Variants in RBFOX1 observed in about 807,000 individuals in gnomAD.
The protein encoded by RBFOX1 is RNA binding protein fox-1 homolog 1.
RBFOX1 carries 8 observed loss-of-function variants against 57.7 expected under a neutral mutation model. The ratio of observed to expected loss-of-function variants is 0.14; its 90% CI spans 0.08 to 0.25. RBFOX1 has a LOEUF of 0.25. Among genes scored for constraint, RBFOX1 ranks in the 10% least tolerant of loss-of-function variants. The probability of loss-of-function intolerance (pLI) is 1.00; values close to 1 mark genes in which losing one functional copy is unlikely to be tolerated. For missense variants in RBFOX1, 611 were observed against 548.5 expected, an observed-to-expected ratio of 1.11 and a Z score of -1.14; for synonymous variants, 326 against 222.4, an observed-to-expected ratio of 1.47 and a Z score of -4.15.
At chr16:5,353,370 C>T (rs9923174) in intron 1 of RBFOX1, among the ~76,000 whole-genome samples, 1 of 118,302 alleles carries the variant, frequency 8.5e-6, no homozygotes, top group African/African-American at 2.9e-5. Context: ...AGAGTAGTGT[C>T]TGAAAAAAAA....
chr16:6,868,553 C>A (rs1203544393), intron 3 of RBFOX1, among the ~76,000 whole-genome samples: 2 of 152,056 alleles, frequency 1.3e-5, no homozygotes, highest in African/African-American at 4.8e-5. Context: ...CTCACTGCAA[C>A]CTCTGCTTCC....
At chr16:6,041,179 T>A (rs141183404) in intron 1 of RBFOX1, among the ~76,000 whole-genome samples, 153 of 152,310 alleles carry the variant, frequency 1.0e-3, no homozygotes, top group Non-Finnish European at 1.8e-3. Context: ...TTTTCCAGAA[T>A]GTTATATAGT....
intron 1 of RBFOX1, among the ~76,000 whole-genome samples, chr16:6,062,577 CTA>C (rs1454236671): frequency 7.3e-6 from 1 of 137,688 alleles, no homozygotes; most frequent in East Asian, 2.0e-4. Flanking sequence ...ACATATATAT[CTA>C]TAGAGATTGT....
intron 3 of RBFOX1, among the ~76,000 whole-genome samples, chr16:5,719,595 A>G (rs1380323715): frequency 6.6e-6 from 1 of 152,012 alleles, no homozygotes; most frequent in East Asian, 1.9e-4. Flanking sequence ...CCTGGCAATT[A>G]CTAATCAATT....
chr16:6,225,004 A>T lies in RBFOX1; in HGVS notation c.-126-91991A>T, dbSNP rs1380951983. Among the ~76,000 whole-genome samples the T allele has an allele frequency of 2.9e-5, 4 of 136,620 alleles. No homozygotes were observed. In the Admixed American group the frequency reaches 3.1e-4, roughly 11 times the overall value. The allele number at this position is 136,620 out of a possible 152,430, so 89.6% of individuals were successfully genotyped here. A position where few individuals can be genotyped will look rare whatever the true frequency, so the allele number is the denominator to read the frequency against. On this transcript the variant is annotated intron_variant, in intron 1 of 15. Coordinates refer to ENST00000550418, the MANE Select transcript of RBFOX1 (RefSeq NM_018723.4). ...ATTACACTCCAGCCTGGGCAACAAG[A>T]GCAAAACTCCATCTCAAAAAAAAAA...
chr16:6,638,328 T>G (rs1414658912), intron 2 of RBFOX1, among the ~76,000 whole-genome samples: 1 of 152,198 alleles, frequency 6.6e-6, no homozygotes, highest in Admixed American at 6.5e-5. Flanking sequence ...AATAAGTTAC[T>G]GGTAAATCGC....
chr16:6,140,577 C>A (rs61121706), intron 1 of RBFOX1, among the ~76,000 whole-genome samples: 4,761 of 152,148 alleles, frequency 0.031, 266 homozygotes, highest in African/African-American at 0.11. Flanking sequence ...TGTTCATTCA[C>A]CTGGGCAATG....
Position 5,925,292 on chromosome 16 carries a change from G to C in RBFOX1, c.351+57957G>C, listed in dbSNP as rs565900987. 9.2e-5 allele frequency among the ~76,000 whole-genome samples: 14 copies of C among 152,306 alleles called. No individual in the cohort carries two copies. The East Asian group carries it at 2.3e-3, about 25-fold the overall frequency. ...TCAGCAAGTGAACAGACAAAATGCT[G>C]TCTACCCATACAGTGGGATATTATT... On this transcript the variant is annotated intron_variant, in intron 4 of 19. Transcript: ENST00000641259.
chr16:7,040,539 G>C (rs930115495), intron 3 of RBFOX1, among the ~76,000 whole-genome samples: 2 of 151,644 alleles, frequency 1.3e-5, no homozygotes, highest in Admixed American at 1.3e-4. Flanking sequence ...GATTAAAAAT[G>C]AGAAAACCTG....
chr16:6,745,616 A>T (rs1268955572), intron 3 of RBFOX1, among the ~76,000 whole-genome samples: 2 of 152,214 alleles, frequency 1.3e-5, no homozygotes, highest in East Asian at 3.8e-4. Flanking sequence ...GTTTTTTAAA[A>T]AGCTCAGCAA....
At chr16:5,548,165 AAAAAAAAAAATATAT>A (rs908119969) in intron 2 of RBFOX1, among the ~76,000 whole-genome samples, 3 of 49,946 alleles carry the variant, frequency 6.0e-5, no homozygotes, top group Non-Finnish European at 1.2e-4. Context: ...TGTTAAAAAA[AAAAAAAAAAATATAT>A]ATATATATAT....
At chr16:7,212,275 C>G (rs1271871366) in intron 4 of RBFOX1, among the ~76,000 whole-genome samples, 2 of 152,114 alleles carry the variant, frequency 1.3e-5, no homozygotes, top group Middle Eastern at 6.3e-3. Flanking sequence ...CAGCAGCTGC[C>G]TTTGTGTACA....
intron 1 of RBFOX1, among the ~76,000 whole-genome samples, chr16:6,048,510 C>G (rs1267148461): frequency 1.3e-5 from 2 of 152,162 alleles, no homozygotes; most frequent in African/African-American, 4.8e-5. Flanking sequence ...CGTGCCTTTT[C>G]AAATGATGCA....
At chr16:7,347,105 G>A (rs2097025747) in intron 4 of RBFOX1, among the ~76,000 whole-genome samples, 1 of 152,180 alleles carries the variant, frequency 6.6e-6, no homozygotes, top group African/African-American at 2.4e-5. Flanking sequence ...TCAATCAGGG[G>A]TGATTTTTGG....
intron 4 of RBFOX1, among the ~76,000 whole-genome samples, chr16:7,268,049 G>C (rs1252396456): frequency 6.6e-6 from 1 of 152,186 alleles, no homozygotes; most frequent in African/African-American, 2.4e-5. Context: ...TAGGCTAGGT[G>C]ATCTAGCTTA....
At chr16:7,095,615 A>G (rs1009708055) in intron 4 of RBFOX1, among the ~76,000 whole-genome samples, 1 of 152,182 alleles carries the variant, frequency 6.6e-6, no homozygotes, top group Non-Finnish European at 1.5e-5. Flanking sequence ...CTTGGATGTC[A>G]TGATACATAC....
intron 2 of RBFOX1, among the ~76,000 whole-genome samples, chr16:6,343,175 A>G (rs1256420956): frequency 1.3e-5 from 2 of 152,172 alleles, no homozygotes; most frequent in Admixed American, 6.5e-5. Context: ...AGATAGTCTC[A>G]TCAGAAATTC....
At chr16:5,779,634 T>A (rs1187580467) in intron 3 of RBFOX1, among the ~76,000 whole-genome samples, 1 of 152,186 alleles carries the variant, frequency 6.6e-6, no homozygotes, top group Non-Finnish European at 1.5e-5. Flanking sequence ...CTCTTCATTC[T>A]CCTGGGCTCA....
At chr16:6,332,005 C>T (rs1396267441) in intron 2 of RBFOX1, among the ~76,000 whole-genome samples, 8 of 152,126 alleles carry the variant, frequency 5.3e-5, no homozygotes, top group Non-Finnish European at 2.9e-5. Context: ...TGAAAAGAAA[C>T]AAGCGATGCC....
Sources: gnomAD v4.1 joint callset for allele counts (sites outside exome capture counted in the v4.1 genomes callset) on GRCh38, gnomAD v4.1.1 for gene constraint, MANE v1.5 for transcripts, NCBI Gene and HGNC (gene_info 2026-07-23, HGNC 2026-07-21) for gene names.